The following MYOM1 variants were observed in gnomAD, a reference collection of about 807,000 sequenced individuals.
The protein encoded by MYOM1 is myomesin 1, also known as myomesin-1.
MYOM1 carries 164 observed loss-of-function variants against 205.3 expected under a neutral mutation model. The observed-to-expected ratio is 0.80, with a 90% CI of 0.70 to 0.91. The LOEUF (loss-of-function observed/expected upper bound fraction) is 0.91. Ranked by LOEUF, MYOM1 falls within the 40% of genes least tolerant of loss-of-function variation. The probability of loss-of-function intolerance (pLI) is 0.00; values close to 1 mark genes in which losing one functional copy is unlikely to be tolerated. For missense variants in MYOM1, 2,011 were observed against 2,127.3 expected, an observed-to-expected ratio of 0.95 and a Z score of 1.08; for synonymous variants, 772 against 789.4, an observed-to-expected ratio of 0.98 and a Z score of 0.37.
At chr18:3,188,058 G>A (rs1479111240) in intron 4 of MYOM1, among the ~76,000 whole-genome samples, 1 of 151,564 alleles carries the variant, frequency 6.6e-6, no homozygotes, top group African/African-American at 2.4e-5. Context: ...GGCTAGGCTG[G>A]TCTCGAACTC....
the MYOM1 span, chr18:3,236,406 C>G: frequency 6.6e-6 from 1 of 152,206 alleles, no homozygotes; most frequent in East Asian, 1.9e-4. Context: ...TTTTGAAGGA[C>G]TTTGCTAATA....
intron 8 of MYOM1, among the ~76,000 whole-genome samples, chr18:3,169,898 T>C (rs967914706): frequency 6.6e-6 from 1 of 152,154 alleles, no homozygotes; most frequent in Admixed American, 6.6e-5. Flanking sequence ...TTAACCTAAG[T>C]GTTCAACCAT....
intron 20 of MYOM1, among the ~76,000 whole-genome samples, chr18:3,117,117 A>C (rs1443668420): frequency 2.0e-5 from 3 of 152,138 alleles, no homozygotes; most frequent in Admixed American, 6.5e-5. Context: ...TCAGCCTCCC[A>C]AAGTGTTGGG....
At chr18:3,171,449 T>C (rs2080555843) in intron 8 of MYOM1, among the ~76,000 whole-genome samples, 1 of 152,192 alleles carries the variant, frequency 6.6e-6, no homozygotes, top group Non-Finnish European at 1.5e-5. Context: ...AACTTCTAGG[T>C]TCTCTTCTGT....
intron 14 of MYOM1, among the ~76,000 whole-genome samples, chr18:3,139,445 A>G (rs1028664823): frequency 1.2e-4 from 19 of 152,232 alleles, no homozygotes; most frequent in African/African-American, 4.1e-4. Context: ...CACCCATTCC[A>G]GGGATCAAGG....
At chr18:3,102,723 G>T in intron 22 of MYOM1, 93 bp from the exon 23 acceptor site, 2 of 1,346,520 alleles carry the variant, frequency 1.5e-6, no homozygotes, top group Non-Finnish European at 2.0e-6. Context: ...TAACCCTAAA[G>T]TAGGGCCCTG....
At position 3,208,378 on chromosome 18, in the gene MYOM1, G is replaced by C. The variant is rs573800359; in HGVS notation, c.290+6556C>G. ...AAAACACAAAAATTAACTAGGCATA[G>C]TGGCACGCGCCTATAGTTCCAGCTA... On this transcript the variant is annotated intron_variant, in intron 2 of 37. Transcript: ENST00000356443. Among the ~76,000 whole-genome samples, 7 of 152,338 alleles carry C rather than the reference G, an allele frequency of 4.6e-5. No individual in the cohort carries two copies. In the South Asian group the frequency reaches 1.2e-3, roughly 27 times the overall value.
Position 3,091,726 on chromosome 18 carries a change from A to ATTATTTATTTAT in MYOM1, c.3865-936_3865-925dup, listed in dbSNP as rs141197978. On this transcript the variant is annotated intron_variant, in intron 26 of 37. Coordinates refer to ENST00000356443, the MANE Select transcript of MYOM1 (RefSeq NM_003803.4). ...ACTCTCACATTACCTTCCAGATTAC[A>ATTATTTATTTAT]TTATTTATTTATTTATTTATTTAGA... Among the ~76,000 whole-genome samples the ATTATTTATTTAT allele has an allele frequency of 1.2e-3, 182 of 151,570 alleles. 1 individual carries two copies. Among genetic ancestry groups the ATTATTTATTTAT allele is most frequent in the Non-Finnish European group, 1.3e-3 (87 of 67,872 alleles).
At chr18:3,089,264 G>A in intron 28 of MYOM1, 23 bp from the exon 29 acceptor site, 2 of 1,567,598 alleles carry the variant, frequency 1.3e-6, no homozygotes, top group East Asian at 2.2e-5. Flanking sequence ...AATGACATTA[G>A]CAATTACTCT....
chr18:3,221,061 C>T (rs1340497352), upstream of MYOM1, among the ~76,000 whole-genome samples: 2 of 152,184 alleles, frequency 1.3e-5, no homozygotes, highest in African/African-American at 2.4e-5. Context: ...CACTCTGTTG[C>T]CCAGGCTGGA....
At chr18:3,157,115 C>T (rs187844532) in intron 10 of MYOM1, among the ~76,000 whole-genome samples, 1 of 152,264 alleles carries the variant, frequency 6.6e-6, no homozygotes, top group East Asian at 1.9e-4. Context: ...CGGCCTATAC[C>T]ACAACAACCA....
At chr18:3,078,814 T>G (rs1035851048) in intron 34 of MYOM1, among the ~76,000 whole-genome samples, 1 of 152,082 alleles carries the variant, frequency 6.6e-6, no homozygotes, top group Admixed American at 6.6e-5. Flanking sequence ...TTTTGACTTT[T>G]TGCTTATAAG....
intron 20 of MYOM1, among the ~76,000 whole-genome samples, chr18:3,117,168 A>G (rs1334500603): frequency 6.6e-6 from 1 of 152,208 alleles, no homozygotes; most frequent in Admixed American, 6.5e-5. Context: ...CCAGTTTCAG[A>G]TAATTTTTGA....
intron 5 of MYOM1, among the ~76,000 whole-genome samples, chr18:3,185,072 A>G (rs1455275330): frequency 1.3e-5 from 2 of 152,238 alleles, no homozygotes; most frequent in Non-Finnish European, 2.9e-5. Flanking sequence ...CAGTTTGGTC[A>G]TCTCCTATTT....
chr18:3,106,202 G>GT (rs2079449273), intron 22 of MYOM1, among the ~76,000 whole-genome samples: 1 of 152,186 alleles, frequency 6.6e-6, no homozygotes, highest in Non-Finnish European at 1.5e-5. Context: ...GGTCTTGAGT[G>GT]TTCCTGGATT....
the MYOM1 span, among the ~76,000 whole-genome samples, chr18:3,234,068 C>T: frequency 6.6e-6 from 1 of 152,156 alleles, no homozygotes; most frequent in Non-Finnish European, 1.5e-5. Flanking sequence ...TAAGCTTCAG[C>T]TCACTCATCT....
chr18:3,196,219 T>TTA (rs1247856028), intron 2 of MYOM1, among the ~76,000 whole-genome samples: 1 of 152,180 alleles, frequency 6.6e-6, no homozygotes, highest in East Asian at 1.9e-4. Context: ...ATAAGCATAA[T>TTA]TATCTTAAGA....
At chr18:3,183,018 C>T (rs1260990536) in intron 5 of MYOM1, among the ~76,000 whole-genome samples, 2 of 151,240 alleles carry the variant, frequency 1.3e-5, no homozygotes, top group Non-Finnish European at 1.5e-5. Context: ...CAACCTCCGC[C>T]TTCCGCGTTC....
chr18:3,071,391 CT>C (rs3837909), intron 37 of MYOM1, among the ~76,000 whole-genome samples: 21,746 of 151,996 alleles, frequency 0.14, 1,751 homozygotes, highest in East Asian at 0.32. Context: ...TGGAGTCTCA[CT>C]CTGTTGCCTG....
Sources: allele counts gnomAD v4.1 joint callset (sites outside exome capture counted in the v4.1 genomes callset), GRCh38; gene constraint gnomAD v4.1.1; transcripts MANE v1.5; gene names NCBI Gene and HGNC (gene_info 2026-07-23, HGNC 2026-07-21).